The following ATRNL1 variants were observed in gnomAD, a reference collection of about 807,000 sequenced individuals.
The protein encoded by ATRNL1 is attractin-like protein 1.
ATRNL1 carries 95 observed loss-of-function variants against 182.7 expected under a neutral mutation model. The ratio of observed to expected loss-of-function variants is 0.52; its 90% confidence interval spans 0.44 to 0.62. The LOEUF (loss-of-function observed/expected upper bound fraction) is 0.62, where lower values mean the gene tolerates loss of function less well. Ranked by LOEUF, ATRNL1 falls within the 20% of genes least tolerant of loss-of-function variation. The pLI, the probability that ATRNL1 is intolerant of heterozygous loss-of-function variation, is 0.00. For synonymous variants in ATRNL1, 576 were observed against 568.3 expected (o/e 1.01, Z -0.19); for missense variants, 1,471 against 1,679.5 (o/e 0.88, Z 2.17).
intron 8 of ATRNL1, among the ~76,000 whole-genome samples, chr10:115,188,291 T>A (rs1281758084): frequency 3.3e-5 from 5 of 152,170 alleles, no homozygotes; most frequent in African/African-American, 1.2e-4. Context: ...AATATATGTT[T>A]AACTGAAGAT....
intron 24 of ATRNL1, among the ~76,000 whole-genome samples, chr10:115,487,559 TG>T (rs1554975465): frequency 6.6e-6 from 1 of 152,226 alleles, no homozygotes; most frequent in African/African-American, 2.4e-5. Context: ...GGAATGCTTA[TG>T]TTTTTTGCAC....
intron 28 of ATRNL1, among the ~76,000 whole-genome samples, chr10:115,859,051 G>A (rs1168881809): frequency 1.3e-5 from 2 of 151,826 alleles, no homozygotes; most frequent in African/African-American, 4.8e-5. Context: ...TCCTCACATG[G>A]CAGAGAAAAA....
intron 19 of ATRNL1, among the ~76,000 whole-genome samples, chr10:115,375,392 T>C (rs919317041): frequency 2.6e-5 from 4 of 152,038 alleles, no homozygotes; most frequent in Non-Finnish European, 2.9e-5. Context: ...AGGGAGTCTA[T>C]TGTTTGATCA....
intron 26 of ATRNL1, among the ~76,000 whole-genome samples, chr10:115,627,157 A>C (rs181464920): frequency 6.6e-6 from 1 of 152,086 alleles, no homozygotes; most frequent in East Asian, 1.9e-4. Context: ...CAGCACCACA[A>C]AATAAAACCC....
chr10:115,205,389 T>A (rs1489207130), intron 8 of ATRNL1, among the ~76,000 whole-genome samples: 1 of 151,970 alleles, frequency 6.6e-6, no homozygotes, highest in Non-Finnish European at 1.5e-5. Context: ...CTGTTTTGAT[T>A]TTTGCCCTCT....
chr10:115,343,978 A>G (rs1250285948), intron 19 of ATRNL1, among the ~76,000 whole-genome samples: 1 of 152,168 alleles, frequency 6.6e-6, no homozygotes, highest in East Asian at 1.9e-4. Context: ...TCTCCCGAAC[A>G]AACAGAATTC....
At chr10:115,434,143 G>A (rs1390993698) in intron 21 of ATRNL1, among the ~76,000 whole-genome samples, 2 of 151,830 alleles carry the variant, frequency 1.3e-5, no homozygotes, top group African/African-American at 4.9e-5. Flanking sequence ...TCCTGAGAAT[G>A]ATTTTATGTC....
chr10:115,495,128 C>T (rs1554977780), intron 24 of ATRNL1, among the ~76,000 whole-genome samples: 1 of 151,762 alleles, frequency 6.6e-6, no homozygotes, highest in African/African-American at 2.4e-5. Flanking sequence ...TAGAGGTGTT[C>T]ATAGTAGTCT....
chr10:115,435,029 CT>C (rs34902658), intron 21 of ATRNL1, among the ~76,000 whole-genome samples: 284 of 130,946 alleles, frequency 2.2e-3, no homozygotes, highest in Middle Eastern at 3.8e-3. Flanking sequence ...AAACCTGGGA[CT>C]TTTTTTTTTT....
At chr10:115,517,023 C>T (rs1174615189) in intron 24 of ATRNL1, among the ~76,000 whole-genome samples, 1 of 151,916 alleles carries the variant, frequency 6.6e-6, no homozygotes, top group Non-Finnish European at 1.5e-5. Flanking sequence ...GGAGCTTTGT[C>T]TTATTACAAT....
intron 20 of ATRNL1, among the ~76,000 whole-genome samples, chr10:115,400,911 C>A (rs1844534247): frequency 6.6e-6 from 1 of 151,950 alleles, no homozygotes; most frequent in Admixed American, 6.6e-5. Context: ...CTTTCTATGT[C>A]TTTTAATTGG....
At chr10:115,137,128 G>T (rs1216734893) in intron 5 of ATRNL1, among the ~76,000 whole-genome samples, 1 of 152,160 alleles carries the variant, frequency 6.6e-6, no homozygotes, top group African/African-American at 2.4e-5. Flanking sequence ...CCAGGAGGTG[G>T]AGGTTGTGAG....
intron 26 of ATRNL1, among the ~76,000 whole-genome samples, chr10:115,589,029 A>G (rs782342365): frequency 1.6e-4 from 24 of 152,180 alleles, no homozygotes; most frequent in Non-Finnish European, 2.4e-4. Flanking sequence ...TAATATATTG[A>G]TCAGTAGTGG....
chr10:115,769,973 T>C (rs1050424046), intron 27 of ATRNL1, among the ~76,000 whole-genome samples: 1 of 152,150 alleles, frequency 6.6e-6, no homozygotes, highest in Admixed American at 6.5e-5. Context: ...TTGAAGCTAA[T>C]GCAGCTTAAG....
intron 1 of ATRNL1, among the ~76,000 whole-genome samples, chr10:115,113,572 T>G (rs1473062209): frequency 6.6e-6 from 1 of 152,136 alleles, no homozygotes; most frequent in African/African-American, 2.4e-5. Flanking sequence ...TCTTATGAGA[T>G]CTGATGGTTT....
intron 9 of ATRNL1, among the ~76,000 whole-genome samples, chr10:115,240,120 G>C (rs1850355167): frequency 6.6e-6 from 1 of 152,014 alleles, no homozygotes; most frequent in Non-Finnish European, 1.5e-5. Context: ...TTTATTTGGT[G>C]TTGCTCTTAG....
At chr10:115,284,924 C>T (rs1338710404) in intron 14 of ATRNL1, among the ~76,000 whole-genome samples, 2 of 152,070 alleles carry the variant, frequency 1.3e-5, no homozygotes, top group Non-Finnish European at 2.9e-5. Flanking sequence ...GGAGAGGACA[C>T]CCAATACCTA....
intron 19 of ATRNL1, among the ~76,000 whole-genome samples, chr10:115,366,266 T>G (rs1857031493): frequency 6.6e-6 from 1 of 152,080 alleles, no homozygotes; most frequent in Non-Finnish European, 1.5e-5. Flanking sequence ...CCTTTACCAT[T>G]ATGTAATGGC....
At chr10:115,344,504 G>C (rs1318936922) in intron 19 of ATRNL1, among the ~76,000 whole-genome samples, 2 of 152,104 alleles carry the variant, frequency 1.3e-5, no homozygotes, top group African/African-American at 4.8e-5. Flanking sequence ...ATGCTGCCTG[G>C]CCTGGGACTC....
Sources: allele counts gnomAD v4.1 joint callset (sites outside exome capture counted in the v4.1 genomes callset), GRCh38; gene constraint gnomAD v4.1.1; transcripts MANE v1.5; gene names NCBI Gene and HGNC (gene_info 2026-07-23, HGNC 2026-07-21).